Variants in PRRG2 observed in about 807,000 individuals in gnomAD.
PRRG2 encodes proline rich and Gla domain 2, also known as transmembrane gamma-carboxyglutamic acid protein 2.
In PRRG2, 23 loss-of-function variants were observed where a neutral mutation model predicts 27.1. That is an observed-to-expected ratio of 0.85 (90% confidence interval 0.61 to 1.20). The LOEUF is 1.20. PRRG2 is among the 50% of genes most tolerant of loss of function. The pLI, the probability that PRRG2 is intolerant of heterozygous loss-of-function variation, is 0.00. For missense variants in PRRG2, 276 were observed against 254.8 expected, an observed-to-expected ratio of 1.08 and a Z score of -0.57; for synonymous variants, 104 against 103.4, an observed-to-expected ratio of 1.01 and a Z score of -0.03.
intron 5 of PRRG2, among the ~76,000 whole-genome samples, 175 bp from the exon 6 acceptor site, chr19:49,589,725 C>A (rs1227116406): frequency 6.6e-6 from 1 of 151,916 alleles, no homozygotes; most frequent in African/African-American, 2.4e-5. Context: ...TCATTTGAGG[C>A]GCTTTTCTGT....
At chr19:49,588,468 A>C in intron 4 of PRRG2, 29 bp from the exon 5 acceptor site, 1 of 1,575,658 alleles carries the variant, frequency 6.3e-7, no homozygotes, top group Non-Finnish European at 8.6e-7. Context: ...TCCCCGAGAC[A>C]GTGTCTCCCC....
chr19:49,590,732 T>C lies in PRRG2; in HGVS notation c.*343T>C, dbSNP rs1201748849. On this transcript the variant is annotated 3_prime_UTR_variant, in exon 7 of 7. Coordinates refer to ENST00000246794, the MANE Select transcript of PRRG2 (RefSeq NM_000951.3). The stretch of plus-strand genomic sequence containing the variant: ...GTGCCATCTTGTGTATGGGCAGATA[T>C]GACCTGACAGCCCCCTCCAGTGCCA... The C allele has an allele frequency of 5.2e-6, 2 of 382,936 alleles. No individual in the cohort carries two copies. Among genetic ancestry groups the C allele is most frequent in the Non-Finnish European group, 4.8e-6 (1 of 206,562 alleles). The allele number at this position is 382,936 out of a possible 1,614,324, so 23.7% of individuals were successfully genotyped here.
chr19:49,583,361 A>C (rs768003107), intron 2 of PRRG2, 57 bp downstream of exon 2: 1 of 1,578,160 alleles, frequency 6.3e-7, no homozygotes, highest in Non-Finnish European at 8.7e-7. Context: ...CCCCTGACTC[A>C]GGAATGTTTC....
chr19:49,590,447 G>A lies in PRRG2; in HGVS notation c.*58G>A. ...GTGCCCCTGATTCATACCGGATTCCGGAAGCCGCTAGGCCTCATAGACGCC... is the reference window on the plus strand; with the variant it reads ...GTGCCCCTGATTCATACCGGATTCCAGAAGCCGCTAGGCCTCATAGACGCC... On this transcript the variant is annotated 3_prime_UTR_variant, in exon 7 of 7. Coordinates refer to ENST00000246794, the MANE Select transcript of PRRG2 (RefSeq NM_000951.3). 6.2e-7 allele frequency: 1 copy of A among 1,611,260 alleles called. No homozygotes were observed. The highest frequency in any genetic ancestry group is 1.1e-5 in the South Asian group (1 of 91,016).
At position 49,589,919 on chromosome 19, in the gene PRRG2, C is replaced by G; in HGVS notation, c.457C>G (p.Leu153Val). ...CPQEAGLISPLSPLNPLGPPT... is the reference protein window; with the variant it reads ...CPQEAGLISPVSPLNPLGPPT... ...CCCCAGGGCCGGGCTCATTAGCCCT[C>G]TGAGTCCTTTGAACCCTCTGGGCCC... The change falls in exon 6 of 7, where the codon CTG becomes GTG. Residue 153 changes from leucine to valine, a missense_variant. Physicochemically the swap from Leu to Val is conservative, Grantham distance 32. Transcript: ENST00000246794. The G allele has an allele frequency of 6.2e-7, 1 of 1,612,794 alleles. No individual in the cohort carries two copies. Among genetic ancestry groups the G allele is most frequent in the South Asian group, 1.1e-5 (1 of 91,078 alleles).
chr19:49,589,278 C>G (rs1473100023), intron 5 of PRRG2, among the ~76,000 whole-genome samples: 4 of 151,888 alleles, frequency 2.6e-5, no homozygotes, highest in Non-Finnish European at 5.9e-5. Context: ...TAGGCGCACT[C>G]CACTACGCCC....
In PRRG2 at chr19:49,589,902, C is replaced by T; in HGVS notation, c.440C>T (p.Ala147Val). The T allele has an allele frequency of 6.2e-7, 1 of 1,613,294 alleles. No individual in the cohort carries two copies. The highest frequency in any genetic ancestry group is 8.5e-7 in the Non-Finnish European group (1 of 1,179,946). The change falls in exon 6 of 7, where the codon GCC becomes GTC. Residue 147 changes from alanine to valine, a missense_variant and splice_region_variant. Transcript: ENST00000246794. ...HRGQQPCPQE[A>V]GLISPLSPLN... ...AACTGTACCTTTGCTGTCCCCAGGG[C>T]CGGGCTCATTAGCCCTCTGAGTCCT...
chr19:49,583,279 T>G lies in PRRG2; in HGVS notation c.60T>G (p.Thr20=). 1.2e-6 allele frequency: 2 copies of G among 1,614,198 alleles called. No homozygotes were observed. Among genetic ancestry groups the G allele is most frequent in the Middle Eastern group, 3.3e-4 (2 of 6,058 alleles). ...LYMALTTCLD[T]SPSEETDQEV... is the part of the protein sequence containing the mutation. ...TGGCATTAACCACCTGCCTGGATAC[T>G]TCACCCAGTGAGGAGACAGACCAAG... Residue 20 remains threonine (T), a synonymous_variant, in exon 2 of 7, where the codon ACT becomes ACG. Coordinates refer to ENST00000246794, the MANE Select transcript of PRRG2 (RefSeq NM_000951.3).
At chr19:49,590,269 C>T in intron 6 of PRRG2, 102 bp from the exon 7 acceptor site, 1 of 1,563,430 alleles carries the variant, frequency 6.4e-7, no homozygotes, top group Non-Finnish European at 8.8e-7. Context: ...CCAGAGGGTC[C>T]TGGATTGGCT....
At position 49,590,482 on chromosome 19, in the gene PRRG2, C is replaced by A; in HGVS notation, c.*93C>A. 6.4e-7 allele frequency: 1 copy of A among 1,561,064 alleles called. No homozygotes were observed. Among genetic ancestry groups the A allele is most frequent in the Non-Finnish European group, 8.8e-7 (1 of 1,136,978 alleles). ...AGGCCTCATAGACGCCGAAGCTGGA[C>A]TTGGAGTGGGGAATGGTGGGAGTAG... On this transcript the variant is annotated 3_prime_UTR_variant, in exon 7 of 7. Coordinates refer to ENST00000246794, the MANE Select transcript of PRRG2 (RefSeq NM_000951.3).
At chr19:49,583,519 G>C (rs779895537) in intron 2 of PRRG2, 23 bp from the exon 3 acceptor site, 4 of 1,611,298 alleles carry the variant, frequency 2.5e-6, no homozygotes, top group Admixed American at 3.4e-5. Flanking sequence ...CCATTTTTCT[G>C]TCCCTCATGT....
At chr19:49,589,532 C>G (rs951378031) in intron 5 of PRRG2, among the ~76,000 whole-genome samples, 2 of 150,924 alleles carry the variant, frequency 1.3e-5, no homozygotes. Flanking sequence ...TTCCTGGGCT[C>G]AAGAAATCCT....
chr19:49,586,462 G>A (rs2080670784), intron 4 of PRRG2, among the ~76,000 whole-genome samples: 1 of 150,052 alleles, frequency 6.7e-6, no homozygotes, highest in Non-Finnish European at 1.5e-5. Flanking sequence ...CTGGCTCACT[G>A]TAGCCTTGAC....
At chr19:49,588,201 C>T (rs549739540) in intron 4 of PRRG2, among the ~76,000 whole-genome samples, 13 of 152,026 alleles carry the variant, frequency 8.6e-5, no homozygotes, top group Non-Finnish European at 1.9e-4. Context: ...TGACCTCAAA[C>T]GATCCACCTG....
chr19:49,582,985 T>G (rs548141506), intron 1 of PRRG2, among the ~76,000 whole-genome samples: 1 of 151,204 alleles, frequency 6.6e-6, no homozygotes, highest in Non-Finnish European at 1.5e-5. Context: ...GAGCTGAGAC[T>G]GTGCCACTGC....
At chr19:49,586,494 T>C (rs2080670985) in intron 4 of PRRG2, among the ~76,000 whole-genome samples, 1 of 151,776 alleles carries the variant, frequency 6.6e-6, no homozygotes, top group African/African-American at 2.4e-5. Context: ...AAGTGACTCT[T>C]CTTCCTCAGC....
At chr19:49,588,694 C>T in intron 5 of PRRG2, 62 bp downstream of exon 5, 1 of 1,478,186 alleles carries the variant, frequency 6.8e-7, no homozygotes, top group Non-Finnish European at 8.9e-7. Context: ...GAAGCATTGA[C>T]CTAAAGGGAT....
chr19:49,589,778 A>T, intron 5 of PRRG2, 122 bp from the exon 6 acceptor site: 1 of 1,118,966 alleles, frequency 8.9e-7, no homozygotes, highest in Non-Finnish European at 1.3e-6. Flanking sequence ...TCTGAAGTCC[A>T]CCTCCCTTCC....
chr19:49,584,053 C>T (rs993183639), intron 4 of PRRG2, 101 bp downstream of exon 4: 18 of 1,260,500 alleles, frequency 1.4e-5, no homozygotes, highest in African/African-American at 4.5e-5. Context: ...GTACAAGAAT[C>T]GTCTGCCCCC....
Sources: allele counts gnomAD v4.1 joint callset (sites outside exome capture counted in the v4.1 genomes callset), GRCh38; gene constraint gnomAD v4.1.1; transcripts MANE v1.5; gene names NCBI Gene and HGNC (gene_info 2026-07-23, HGNC 2026-07-21).